The following BCAN variants were observed in gnomAD, a reference collection of about 807,000 sequenced individuals.
BCAN encodes brevican core protein.
BCAN carries 51 observed loss-of-function variants against 92.4 expected under a neutral mutation model. The observed-to-expected ratio is 0.55, with a 90% CI of 0.44 to 0.70. The LOEUF (loss-of-function observed/expected upper bound fraction) is 0.70. Ranked by LOEUF, BCAN falls within the 30% of genes least tolerant of loss-of-function variation. BCAN has a pLI of 0.00. For missense variants in BCAN, 1,140 were observed against 1,212.1 expected (o/e 0.94, Z 0.88); for synonymous variants, 501 against 505.2 (o/e 0.99, Z 0.11).
In BCAN at chr1:156,652,552, G is replaced by A; in HGVS notation, c.1602G>A (p.Arg534=). 1 of 1,613,938 alleles carries A rather than the reference G, an allele frequency of 6.2e-7. No homozygotes were observed. Among genetic ancestry groups the A allele is most frequent in the Non-Finnish European group, 8.5e-7 (1 of 1,179,934 alleles). The change falls in exon 8 of 14, where the codon AGG becomes AGA. Residue 534 remains arginine (R), a synonymous_variant. Coordinates refer to ENST00000329117, the MANE Select transcript of BCAN (RefSeq NM_021948.5). ...DGESEASRPP[R]VHGPPTETLP... ...AGTCAGAAGCTTCCAGGCCTCCAAGGGTCCATGGACCACCTACTGAGACTC... is the reference window on the plus strand; with the variant it reads ...AGTCAGAAGCTTCCAGGCCTCCAAGAGTCCATGGACCACCTACTGAGACTC...
Position 156,658,480 on chromosome 1 carries a change from T to C in BCAN, c.2438-63T>C, listed in dbSNP as rs1419345073. Reference sequence around the variant, plus strand: ...TTGTGGCCCATTTTTCTCTTCCCCATGGAGATTCTGGGAACTGTCACCCAC... The same window carrying C: ...TTGTGGCCCATTTTTCTCTTCCCCACGGAGATTCTGGGAACTGTCACCCAC... On this transcript the variant is annotated intron_variant, in intron 12 of 13. Coordinates refer to ENST00000329117, the MANE Select transcript of BCAN (RefSeq NM_021948.5). This position sits in a 1 kb window ranked among gnomAD's most constrained non-coding sequence, Gnocchi z 4.4. 4.5e-6 allele frequency: 7 copies of C among 1,563,862 alleles called. No individual in the cohort carries two copies. Among genetic ancestry groups the C allele is most frequent in the Non-Finnish European group, 6.1e-6 (7 of 1,150,538 alleles).
At chr1:156,646,382 G>T in intron 2 of BCAN, 1 of 518,242 alleles carries the variant, frequency 1.9e-6, no homozygotes, top group Non-Finnish European at 3.4e-6. Context: ...GAGGATAGGG[G>T]ATCCTGAAGC....
chr1:156,656,939 CCT>C lies in BCAN; in HGVS notation c.2054_2055del (p.Leu685ProfsTer82). On this transcript the variant is annotated frameshift_variant and splice_region_variant, in exon 10 of 14. Transcript: ENST00000329117. LOFTEE classifies it high-confidence loss of function. ...GYGGDLCDVG[L>X]RFCNPGWDAF... is the part of the protein sequence containing the mutation. Reference sequence around the variant, plus strand: ...GATGCCCGCCCTTATGTGCCGCAGGCCTCCGCTTCTGCAACCCCGGCTGGGAC... The same window carrying C: ...GATGCCCGCCCTTATGTGCCGCAGGCCCGCTTCTGCAACCCCGGCTGGGAC... 6.2e-7 allele frequency: 1 copy of C among 1,613,362 alleles called. No homozygotes were observed. The highest frequency in any genetic ancestry group is 8.5e-7 in the Non-Finnish European group (1 of 1,179,468).
intron 8 of BCAN, 96 bp downstream of exon 8, chr1:156,652,988 A>G: frequency 1.9e-6 from 3 of 1,553,588 alleles, no homozygotes; most frequent in Non-Finnish European, 2.6e-6. Flanking sequence ...TTAACCCACC[A>G]TCATCCCAAA....
chr1:156,650,644 C>T (rs1679130247), intron 6 of BCAN, among the ~76,000 whole-genome samples: 1 of 152,162 alleles, frequency 6.6e-6, no homozygotes, highest in Admixed American at 6.5e-5. Context: ...GACAGCCTCT[C>T]CCCTTCTATT....
At position 156,646,137 on chromosome 1, in the gene BCAN, A is replaced by G. The variant is rs764076336; in HGVS notation, c.83A>G (p.Asp28Gly). Residue 28 changes from aspartate to glycine, a missense_variant, in exon 2 of 14, where the codon GAC becomes GGC. By Grantham distance (94) the Asp-to-Gly change is moderately conservative (BLOSUM62 -1). Transcript: ENST00000329117. ...PAALADVLEG[D>G]SSEDRAFRVR... ...GCTTTAGCAGATGTTCTGGAAGGAG[A>G]CAGCTCAGGTAAGCAACCCCACTTG... The G allele has an allele frequency of 6.2e-6, 10 of 1,613,270 alleles. No individual in the cohort carries two copies. The highest frequency in any genetic ancestry group is 8.5e-6 in the Non-Finnish European group (10 of 1,179,498).
chr1:156,652,526 G>C lies in BCAN; in HGVS notation c.1576G>C (p.Glu526Gln). 3 of 1,612,890 alleles carry C rather than the reference G, an allele frequency of 1.9e-6. No homozygotes were observed. The highest frequency in any genetic ancestry group is 2.5e-6 in the Non-Finnish European group (3 of 1,179,424). ...QPGASPLPDGESEASRPPRVH... is the reference protein window; with the variant it reads ...QPGASPLPDGQSEASRPPRVH... ...TGGTGCATCACCACTTCCTGATGGAGAGTCAGAAGCTTCCAGGCCTCCAAG... is the reference window on the plus strand; with the variant it reads ...TGGTGCATCACCACTTCCTGATGGACAGTCAGAAGCTTCCAGGCCTCCAAG... Residue 526 changes from glutamate (E) to glutamine (Q), a missense_variant, in exon 8 of 14, where the codon GAG becomes CAG. Glu to Gln is a conservative substitution (Grantham distance 29). Around this residue, in one of 3 missense-constraint regions of BCAN, gnomAD observed 825 missense variants for 871.8 expected, o/e 0.95. Transcript: ENST00000329117.
At chr1:156,654,673 C>G (rs1679278464) in intron 8 of BCAN, among the ~76,000 whole-genome samples, 1 of 152,144 alleles carries the variant, frequency 6.6e-6, no homozygotes, top group African/African-American at 2.4e-5. Context: ...GAGCCTCTGT[C>G]CCCCAGGGTT....
intron 8 of BCAN, chr1:156,653,495 T>G (rs910155952): frequency 1.0e-6 from 1 of 986,762 alleles, no homozygotes; most frequent in Non-Finnish European, 1.2e-6. Context: ...TCTGTCTCCA[T>G]CTCCTGCTGT....
rs1483533272 is a variant in BCAN at position 156,652,413 on chromosome 1, G to A, written c.1463G>A (p.Ser488Asn). 1 of 1,606,290 alleles carries A rather than the reference G, an allele frequency of 6.2e-7. No individual in the cohort carries two copies. The highest frequency in any genetic ancestry group is 1.3e-5 in the African/African-American group (1 of 74,708). The change falls in exon 8 of 14, where the codon AGC becomes AAC. Residue 488 changes from serine (S) to asparagine (N), a missense_variant. Ser to Asn is a conservative substitution (Grantham distance 46). This residue lies in a region of BCAN where 825 missense variants were observed against 871.8 expected (regional missense o/e 0.95). Coordinates refer to ENST00000329117, the MANE Select transcript of BCAN (RefSeq NM_021948.5). ...ALWAWPSELS[S>N]PGPEASLPTE... is the part of the protein sequence containing the mutation. ...TGGGCATGGCCCAGCGAGCTCAGCAGCCCGGGCCCTGAGGCCTCTCTCCCC... is the reference window on the plus strand; with the variant it reads ...TGGGCATGGCCCAGCGAGCTCAGCAACCCGGGCCCTGAGGCCTCTCTCCCC...
intron 9 of BCAN, chr1:156,656,727 G>C: frequency 1.6e-6 from 1 of 638,066 alleles, no homozygotes. Context: ...CCTGGTTCCT[G>C]TCTCTTAGAA....
rs1679418504 is a variant in BCAN, at chr1:156,658,541, A to G, written c.2438-2A>G. 6.2e-7 allele frequency: 1 copy of G among 1,612,536 alleles called. No individual in the cohort carries two copies. The highest frequency in any genetic ancestry group is 1.7e-5 in the Admixed American group (1 of 59,970). On this transcript the variant is annotated splice_acceptor_variant, in intron 12 of 13. Coordinates refer to ENST00000329117, the MANE Select transcript of BCAN (RefSeq NM_021948.5). LOFTEE classifies it high-confidence loss of function. This position sits in a 1 kb window ranked among gnomAD's most constrained non-coding sequence, Gnocchi z 4.4. Reference sequence around the variant, plus strand: ...TCAGTTCCTAACTGTCTTCCTTTGCAGTGTCCTGTGGGCCGCCACCGGAGC... The same window carrying G: ...TCAGTTCCTAACTGTCTTCCTTTGCGGTGTCCTGTGGGCCGCCACCGGAGC...
At chr1:156,656,426 G>T in intron 9 of BCAN, 37 bp downstream of exon 9, 1 of 1,314,564 alleles carries the variant, frequency 7.6e-7, no homozygotes, top group Non-Finnish European at 9.8e-7. Context: ...TTTGAAGCCT[G>T]GACCCTGCCA....
At chr1:156,657,153 C>G in intron 10 of BCAN, 57 bp downstream of exon 10, 1 of 1,583,538 alleles carries the variant, frequency 6.3e-7, no homozygotes, top group Non-Finnish European at 8.6e-7. Context: ...CTCTCTCTCA[C>G]TCGCCTAACC....
intron 11 of BCAN, among the ~76,000 whole-genome samples, 153 bp downstream of exon 11, chr1:156,657,910 C>T (rs1679392526): frequency 6.6e-6 from 1 of 151,864 alleles, no homozygotes. Flanking sequence ...GGCTCTCCTC[C>T]CTTCGTTGTG....
chr1:156,651,428 T>C (rs1679160126), intron 6 of BCAN, 28 bp from the exon 7 acceptor site: 2 of 1,584,136 alleles, frequency 1.3e-6, no homozygotes, highest in East Asian at 4.5e-5. Flanking sequence ...CTATTCAGGC[T>C]CGCATCAATA....
intron 8 of BCAN, among the ~76,000 whole-genome samples, chr1:156,655,550 G>C (rs1158607520): frequency 6.6e-6 from 1 of 152,232 alleles, no homozygotes; most frequent in Admixed American, 6.5e-5. Flanking sequence ...TGTGAGGCCA[G>C]TCAGCACTGC....
intron 8 of BCAN, among the ~76,000 whole-genome samples, chr1:156,653,677 C>T (rs1381867085): frequency 6.6e-6 from 1 of 152,124 alleles, no homozygotes; most frequent in Non-Finnish European, 1.5e-5. Context: ...TTCCCCCAGC[C>T]TCTCCTTCTC....
In BCAN at chr1:156,652,693, G is replaced by C. The variant is rs367927570; in HGVS notation, c.1743G>C (p.Glu581Asp). ...AGCTATCTGGGGTCCCTCGAGGAGA[G>C]AGCGAGGAGACAGGAAGCTCCGAGG... ...GPELSGVPRG[E>D]SEETGSSEGA... The change falls in exon 8 of 14, where the codon GAG becomes GAC. Residue 581 changes from glutamate (E) to aspartate (D), a missense_variant. By Grantham distance (45) the Glu-to-Asp change is conservative. Coordinates refer to ENST00000329117, the MANE Select transcript of BCAN (RefSeq NM_021948.5). The C allele has an allele frequency of 2.5e-6, 4 of 1,608,550 alleles. No homozygotes were observed. The highest frequency in any genetic ancestry group is 1.7e-5 in the Admixed American group (1 of 59,680).
Sources: gnomAD v4.1 joint callset for allele counts (sites outside exome capture counted in the v4.1 genomes callset) on GRCh38, gnomAD v4.1.1 for gene constraint, gnomAD v4.1.1 regional missense constraint, Gnocchi (gnomAD v3.1) non-coding constraint, MANE v1.5 for transcripts, NCBI Gene and HGNC (gene_info 2026-07-23, HGNC 2026-07-21) for gene names.